The following TMEM179 variants were observed in gnomAD, a reference collection of about 807,000 sequenced individuals.
The protein encoded by TMEM179 is transmembrane protein 179, also known as transmembrane protein 179A.
A neutral mutation model predicts 22.2 loss-of-function variants in TMEM179; 17 were observed. The ratio of observed to expected loss-of-function variants is 0.77; its 90% CI spans 0.52 to 1.15. The LOEUF (loss-of-function observed/expected upper bound fraction) is 1.15. TMEM179 is among the 50% of genes most tolerant of loss of function. TMEM179 has a pLI of 0.00. For synonymous variants in TMEM179, 127 were observed against 140.5 expected, an observed-to-expected ratio of 0.90 and a Z score of 0.68; for missense variants, 265 against 313.6, an observed-to-expected ratio of 0.84 and a Z score of 1.17.
intron 1 of TMEM179, among the ~76,000 whole-genome samples, chr14:104,600,600 A>G (rs1887204113): frequency 6.6e-6 from 1 of 152,114 alleles, no homozygotes; most frequent in African/African-American, 2.4e-5. Context: ...TCATTCATTC[A>G]TTCATTCATT....
rs757926383 is a variant in TMEM179 at position 104,596,985 on chromosome 14, C to T, written c.443+5G>A. On this transcript the variant is annotated splice_donor_5th_base_variant and intron_variant, in intron 2 of 3. Transcript: ENST00000556573. ...CGGAGGCCGAGGCGGGTGGGGCGGG[C>T]GCACCTGTGGGGTACGGTGCCCTTC... The T allele has an allele frequency of 3.8e-5, 61 of 1,594,558 alleles. No homozygotes were observed. Among genetic ancestry groups the T allele is most frequent in the Non-Finnish European group, 4.6e-5 (54 of 1,174,774 alleles).
chr14:104,597,184 C>G lies in TMEM179; in HGVS notation c.306-57G>C. ...TGGACACCACCTCCCAGGCGACCCC[C>G]GCCCCCAGGCTGCAGCCAGAAACAG... On this transcript the variant is annotated intron_variant, in intron 1 of 3. Coordinates refer to ENST00000556573, the MANE Select transcript of TMEM179 (RefSeq NM_001286389.2). This position sits in a 1 kb window ranked among gnomAD's most constrained non-coding sequence, Gnocchi z 4.8. The G allele has an allele frequency of 6.6e-7, 1 of 1,522,214 alleles. No homozygotes were observed. The highest frequency in any genetic ancestry group is 1.2e-5 in the South Asian group (1 of 82,032). The allele number at this position is 1,522,214 out of a possible 1,614,324, so 94.3% of individuals were successfully genotyped here.
chr14:104,602,728 T>G (rs1263056453), intron 1 of TMEM179, among the ~76,000 whole-genome samples: 7 of 152,188 alleles, frequency 4.6e-5, no homozygotes, highest in Non-Finnish European at 1.0e-4. Flanking sequence ...TGACCCCACC[T>G]TGAGCAGGGC....
At chr14:104,603,052 G>A (rs1045167769) in intron 1 of TMEM179, among the ~76,000 whole-genome samples, 6 of 152,242 alleles carry the variant, frequency 3.9e-5, no homozygotes, top group African/African-American at 1.4e-4. Context: ...GAGGACAGCG[G>A]CAGAGGGTGG....
intron 1 of TMEM179, among the ~76,000 whole-genome samples, chr14:104,599,989 C>T (rs1887182463): frequency 6.6e-6 from 1 of 152,218 alleles, no homozygotes; most frequent in Non-Finnish European, 1.5e-5. Flanking sequence ...CATCCAGCCT[C>T]ACCCCTATGA....
At chr14:104,598,734 C>T (rs1319562459) in intron 1 of TMEM179, among the ~76,000 whole-genome samples, 2 of 152,230 alleles carry the variant, frequency 1.3e-5, no homozygotes, top group African/African-American at 4.8e-5. Flanking sequence ...AGCCCGTCCA[C>T]TGGCCCCAGT....
chr14:104,594,643 G>C (rs1596296023), intron 3 of TMEM179: 2 of 1,223,120 alleles, frequency 1.6e-6, no homozygotes, highest in Non-Finnish European at 2.0e-6. Context: ...AGTCTCCTAG[G>C]GGGCGGGGGA....
chr14:104,600,994 T>C (rs1288820482), intron 1 of TMEM179, among the ~76,000 whole-genome samples: 1 of 152,194 alleles, frequency 6.6e-6, no homozygotes, highest in Non-Finnish European at 1.5e-5. Flanking sequence ...AGTGGGCTCC[T>C]CCCTGGGCTG....
At chr14:104,594,907 C>T in intron 3 of TMEM179, 2 of 1,282,926 alleles carry the variant, frequency 1.6e-6, no homozygotes, top group Middle Eastern at 3.1e-4. Context: ...CCACCCCAGA[C>T]CCCAGGGCCT....
chr14:104,591,271 C>T lies in TMEM179; in HGVS notation c.*2208G>A. 2.3e-6 allele frequency: 1 copy of T among 432,918 alleles called. No individual in the cohort carries two copies. The allele number at this position is 432,918 out of a possible 1,614,324, so 26.8% of individuals were successfully genotyped here. ...CCCCCAAGAACAGACCCAACCGGGG[C>T]CAAGCCTCAGGTTCCAGAAGCCACC... On this transcript the variant is annotated 3_prime_UTR_variant, in exon 4 of 4. Coordinates refer to ENST00000556573, the MANE Select transcript of TMEM179 (RefSeq NM_001286389.2).
chr14:104,603,373 G>C (rs899111332), intron 1 of TMEM179, among the ~76,000 whole-genome samples: 3 of 152,160 alleles, frequency 2.0e-5, no homozygotes, highest in Admixed American at 2.0e-4. Flanking sequence ...ACAAAGGATG[G>C]GGGTGAGGGC....
Position 104,593,452 on chromosome 14 carries a change from G to A in TMEM179, c.*27C>T, listed in dbSNP as rs921429978. On this transcript the variant is annotated 3_prime_UTR_variant, in exon 4 of 4. Coordinates refer to ENST00000556573, the MANE Select transcript of TMEM179 (RefSeq NM_001286389.2). ...CCCCCGAGCGCAGCAGGGAGGTCGG[G>A]GCCAGCTCCCCCTGCCTGCACTGTG... 4.2e-5 allele frequency: 65 copies of A among 1,535,858 alleles called. No homozygotes were observed. In the African/African-American group the frequency reaches 8.2e-4, roughly 19 times the overall value.
rs375775776 is a variant in TMEM179, at chr14:104,596,986, G to C, written c.443+4C>G. On this transcript the variant is annotated splice_donor_region_variant and intron_variant, in intron 2 of 3. Transcript: ENST00000556573. ...GGAGGCCGAGGCGGGTGGGGCGGGC[G>C]CACCTGTGGGGTACGGTGCCCTTCT... 1 of 1,599,844 alleles carries C rather than the reference G, an allele frequency of 6.3e-7. No homozygotes were observed. Among genetic ancestry groups the C allele is most frequent in the African/African-American group, 1.3e-5 (1 of 74,726 alleles).
At chr14:104,603,941 G>A (rs1399921172) in intron 1 of TMEM179, among the ~76,000 whole-genome samples, 1 of 152,214 alleles carries the variant, frequency 6.6e-6, no homozygotes, top group African/African-American at 2.4e-5. Context: ...TGAGCTCGAG[G>A]TGGGCCTGGG....
chr14:104,591,138 C>A lies in TMEM179; in HGVS notation c.*2341G>T, dbSNP rs1391449362. The A allele has an allele frequency of 2.1e-5, 7 of 337,290 alleles. No homozygotes were observed. The East Asian group carries it at 6.6e-4, about 32-fold the overall frequency. 20.9% of individuals were successfully genotyped at this position (337,290 alleles called of 1,614,324 possible). On this transcript the variant is annotated 3_prime_UTR_variant, in exon 4 of 4. Coordinates refer to ENST00000556573, the MANE Select transcript of TMEM179 (RefSeq NM_001286389.2). Reference sequence around the variant, plus strand: ...TTCCCAGGGCGATGTGTCTGGGCTCCGGAGACAGCCCAGTCCAGGGTGGGT... The same window carrying A: ...TTCCCAGGGCGATGTGTCTGGGCTCAGGAGACAGCCCAGTCCAGGGTGGGT...
At chr14:104,596,294 G>A (rs1439676295) in intron 2 of TMEM179, among the ~76,000 whole-genome samples, 1 of 152,198 alleles carries the variant, frequency 6.6e-6, no homozygotes, top group African/African-American at 2.4e-5. Flanking sequence ...GGCACTGCAT[G>A]GTGCCCCTCA....
intron 1 of TMEM179, among the ~76,000 whole-genome samples, chr14:104,601,591 T>C (rs907058343): frequency 1.3e-5 from 2 of 152,194 alleles, no homozygotes; most frequent in Non-Finnish European, 2.9e-5. Context: ...GCCAATGGAC[T>C]GTGCAGTGCA....
chr14:104,592,288 G>A lies in TMEM179; in HGVS notation c.*1191C>T, dbSNP rs3809459. 0.69 allele frequency: 106,747 copies of A among 154,412 alleles called. 37,494 individuals are homozygous for A. The highest frequency in any genetic ancestry group is 0.74 in the Non-Finnish European group (51,231 of 69,230). 9.6% of individuals were successfully genotyped at this position (154,412 alleles called of 1,614,324 possible). ...TACACACTCTTCCTCACACTCACAT[G>A]CATGCACACTCATGTCACAGGGAGT... On this transcript the variant is annotated 3_prime_UTR_variant, in exon 4 of 4. Transcript: ENST00000556573.
In TMEM179 at chr14:104,597,194, C is replaced by A. The variant is rs1887059208; in HGVS notation, c.306-67G>T. 3 of 1,515,124 alleles carry A rather than the reference C, an allele frequency of 2.0e-6. No individual in the cohort carries two copies. The South Asian group carries it at 3.7e-5, about 19-fold the overall frequency. The allele number at this position is 1,515,124 out of a possible 1,614,324, so 93.9% of individuals were successfully genotyped here. On this transcript the variant is annotated intron_variant, in intron 1 of 3. Transcript: ENST00000556573. The surrounding 1 kb of genome is among the most constrained non-coding windows in gnomAD (Gnocchi z 4.8). The stretch of plus-strand genomic sequence containing the variant: ...CTCCCAGGCGACCCCCGCCCCCAGG[C>A]TGCAGCCAGAAACAGGAGGGGCAGG...
Sources: gnomAD v4.1 joint callset for allele counts (sites outside exome capture counted in the v4.1 genomes callset) on GRCh38, gnomAD v4.1.1 for gene constraint, Gnocchi (gnomAD v3.1) non-coding constraint, MANE v1.5 for transcripts, NCBI Gene and HGNC (gene_info 2026-07-23, HGNC 2026-07-21) for gene names.